B3GALT1: variants seen among roughly 807,000 people sequenced by gnomAD.
B3GALT1 encodes the protein beta-1,3-galactosyltransferase 1, also known as UDP-Gal:betaGlcNAc beta 1,3-galactosyltransferase, polypeptide 1.
Under a neutral mutation model 23.2 loss-of-function variants are expected in B3GALT1, and 10 were observed. That is an observed-to-expected ratio of 0.43 (90% CI 0.27 to 0.73). B3GALT1 has a LOEUF of 0.73. Among genes scored for constraint, B3GALT1 ranks in the 30% least tolerant of loss-of-function variants. B3GALT1 has a pLI of 0.21. For missense variants in B3GALT1, 299 were observed against 405.4 expected, an observed-to-expected ratio of 0.74 and a Z score of 2.25; for synonymous variants, 156 against 141.5, an observed-to-expected ratio of 1.10 and a Z score of -0.73.
intron 2 of B3GALT1, among the ~76,000 whole-genome samples, chr2:167,519,658 G>A (rs991747834): frequency 6.6e-5 from 10 of 152,204 alleles, no homozygotes; most frequent in East Asian, 5.8e-4. Flanking sequence ...AGTAGCTACC[G>A]TAGGGAATTT....
chr2:167,330,550 C>A (rs992692859), intron 1 of B3GALT1, among the ~76,000 whole-genome samples: 9 of 152,180 alleles, frequency 5.9e-5, no homozygotes, highest in African/African-American at 1.9e-4. Flanking sequence ...GTTGAGGCCG[C>A]AGTGAGCCAT....
intron 1 of B3GALT1, among the ~76,000 whole-genome samples, chr2:167,395,064 A>G (rs1219861173): frequency 1.3e-5 from 2 of 152,130 alleles, no homozygotes; most frequent in Non-Finnish European, 2.9e-5. Context: ...TTTTGAGTTG[A>G]TAATATTAGA....
intron 3 of B3GALT1, among the ~76,000 whole-genome samples, chr2:167,792,148 G>C (rs1688449573): frequency 6.6e-6 from 1 of 152,036 alleles, no homozygotes; most frequent in South Asian, 2.1e-4. Context: ...TCATGATACA[G>C]GTATTATTAA....
chr2:167,375,536 C>T (rs934249391), intron 1 of B3GALT1, among the ~76,000 whole-genome samples: 2 of 151,908 alleles, frequency 1.3e-5, no homozygotes, highest in Non-Finnish European at 2.9e-5. Context: ...TTATAGTTCT[C>T]CTTGTAGAGA....
intron 1 of B3GALT1, among the ~76,000 whole-genome samples, chr2:167,402,223 G>T (rs1421398122): frequency 6.6e-6 from 1 of 151,976 alleles, no homozygotes; most frequent in African/African-American, 2.4e-5. Context: ...GTTTGATTTT[G>T]ATCTTCATGA....
chr2:167,293,349 G>C lies in B3GALT1; in HGVS notation c.-511+15G>C, dbSNP rs891476694. ...GCGCCCCGCGGGTAAGGTTCTGTCC[G>C]GCAGCGCCCGCGACGCCCCCGGGAC... On this transcript the variant is annotated intron_variant, in intron 1 of 4. Transcript: ENST00000392690. 2.0e-5 allele frequency: 3 copies of C among 152,198 alleles called. No homozygotes were observed. The highest frequency in any genetic ancestry group is 4.4e-5 in the Non-Finnish European group (3 of 68,106). The allele number at this position is 152,198 out of a possible 1,614,324, so 9.4% of individuals were successfully genotyped here. A position where few individuals can be genotyped will look rare whatever the true frequency, so the allele number is the denominator to read the frequency against.
rs869066627 is a variant in B3GALT1, at chr2:167,545,023, C to CTTTTTTTTTTTT, written c.-410+54766_-410+54777dup. Among the ~76,000 whole-genome samples the CTTTTTTTTTTTT allele has an allele frequency of 2.4e-4, 13 of 54,286 alleles. 4 individuals are homozygous for CTTTTTTTTTTTT. Among genetic ancestry groups the CTTTTTTTTTTTT allele is most frequent in the African/African-American group, 7.0e-4 (9 of 12,802 alleles). 35.6% of individuals were successfully genotyped at this position (54,286 alleles called of 152,430 possible). On this transcript the variant is annotated intron_variant, in intron 2 of 4. Transcript: ENST00000392690. Reference sequence around the variant, plus strand: ...GGAAGGCCGCTTTTGGCTTGGGTGTCTTTTTTTTTTTTTTTTTTTTTTTTT... The same window carrying CTTTTTTTTTTTT: ...GGAAGGCCGCTTTTGGCTTGGGTGTCTTTTTTTTTTTTTTTTTTTTTTTTTTTTTTTTTTTTT...
In B3GALT1 at chr2:167,682,543, C is replaced by T. The variant is rs141743913; in HGVS notation, c.-352+35577C>T. Among the ~76,000 whole-genome samples, 259 of 152,322 alleles carry T rather than the reference C, an allele frequency of 1.7e-3. 1 individual carries two copies. The highest frequency in any genetic ancestry group is 6.0e-3 in the African/African-American group (251 of 41,562). On this transcript the variant is annotated intron_variant, in intron 3 of 4. Coordinates refer to ENST00000392690, the MANE Select transcript of B3GALT1 (RefSeq NM_020981.4). ...ATGACCTATTACTGCAGCAGATTCT[C>T]AAACTTGAATATGTGTGAGAATAAC...
At chr2:167,314,920 A>G (rs1559063269) in intron 1 of B3GALT1, among the ~76,000 whole-genome samples, 2 of 152,180 alleles carry the variant, frequency 1.3e-5, no homozygotes, top group Non-Finnish European at 2.9e-5. Context: ...CATATTGACT[A>G]TCCATTTCTA....
intron 1 of B3GALT1, among the ~76,000 whole-genome samples, chr2:167,329,094 T>C (rs1414814325): frequency 1.3e-5 from 2 of 152,206 alleles, no homozygotes; most frequent in Middle Eastern, 3.4e-3. Context: ...ATTACACGAG[T>C]GAGCCACCAC....
chr2:167,703,116 T>C (rs922995272), intron 3 of B3GALT1, among the ~76,000 whole-genome samples: 1 of 152,214 alleles, frequency 6.6e-6, no homozygotes. Flanking sequence ...ACCTGACAGA[T>C]ACTCTCCTAA....
At chr2:167,681,432 A>G (rs1686529202) in intron 3 of B3GALT1, among the ~76,000 whole-genome samples, 2 of 152,208 alleles carry the variant, frequency 1.3e-5, no homozygotes, top group African/African-American at 4.8e-5. Context: ...CAGGCAAAAC[A>G]TCTGGAAGCC....
chr2:167,436,263 T>C (rs1698785426), intron 1 of B3GALT1, among the ~76,000 whole-genome samples: 1 of 152,166 alleles, frequency 6.6e-6, no homozygotes, highest in African/African-American at 2.4e-5. Flanking sequence ...TTTTTGGAAC[T>C]GCTCTACTCA....
chr2:167,471,967 C>T (rs1371580976), intron 1 of B3GALT1, among the ~76,000 whole-genome samples: 1 of 152,152 alleles, frequency 6.6e-6, no homozygotes, highest in Non-Finnish European at 1.5e-5. Context: ...AAAGTGCTGG[C>T]AGACCACAAA....
intron 1 of B3GALT1, among the ~76,000 whole-genome samples, chr2:167,312,416 A>G (rs1696645504): frequency 3.3e-5 from 5 of 152,048 alleles, no homozygotes; most frequent in Admixed American, 3.3e-4. Flanking sequence ...TAAGTTAAGG[A>G]TGCATGCTGC....
At chr2:167,509,223 T>A (rs1214306321) in intron 2 of B3GALT1, among the ~76,000 whole-genome samples, 3 of 152,124 alleles carry the variant, frequency 2.0e-5, no homozygotes, top group Non-Finnish European at 4.4e-5. Context: ...AGTAATTAAT[T>A]TAAAATAAAG....
intron 1 of B3GALT1, among the ~76,000 whole-genome samples, chr2:167,486,186 CCAACT>C (rs1559111142): frequency 7.0e-6 from 1 of 143,554 alleles, no homozygotes; most frequent in Non-Finnish European, 1.5e-5. Context: ...TGGTGAAACC[CCAACT>C]CTACTAAAAA....
At chr2:167,361,732 T>C (rs1261843322) in intron 1 of B3GALT1, among the ~76,000 whole-genome samples, 1 of 152,176 alleles carries the variant, frequency 6.6e-6, no homozygotes, top group African/African-American at 2.4e-5. Flanking sequence ...TCCTGTTTCC[T>C]TGTTTATCTC....
rs1310346374 is a variant in B3GALT1 at position 167,369,082 on chromosome 2, TG to T, written c.-511+75749del. ...TTATTTGTGTGTGTGTGTGTGTGTG[TG>T]TGTGTGTGTGTGTGTGTGTGTGTGT... On this transcript the variant is annotated intron_variant, in intron 1 of 4. Coordinates refer to ENST00000392690, the MANE Select transcript of B3GALT1 (RefSeq NM_020981.4). Among the ~76,000 whole-genome samples the T allele has an allele frequency of 3.2e-4, 4 of 12,358 alleles. No individual in the cohort carries two copies. The Non-Finnish European group carries it at 4.1e-3, about 13-fold the overall frequency. The allele number at this position is 12,358 out of a possible 152,430, so 8.1% of individuals were successfully genotyped here. A position where few individuals can be genotyped will look rare whatever the true frequency, so the allele number is the denominator to read the frequency against.
Sources: gnomAD v4.1 joint callset for allele counts (sites outside exome capture counted in the v4.1 genomes callset) on GRCh38, gnomAD v4.1.1 for gene constraint, MANE v1.5 for transcripts, NCBI Gene and HGNC (gene_info 2026-07-23, HGNC 2026-07-21) for gene names.